HOXC4: variants seen among roughly 807,000 people sequenced by gnomAD.
HOXC4 encodes homeobox protein Hox-C4.
Under a neutral mutation model 25.5 loss-of-function variants are expected in HOXC4, and 15 were observed. The observed-to-expected ratio is 0.59, with a 90% CI of 0.39 to 0.91. HOXC4 has a LOEUF of 0.91. Ranked by LOEUF, HOXC4 falls within the 40% of genes least tolerant of loss-of-function variation. The pLI, the probability that HOXC4 is intolerant of heterozygous loss-of-function variation, is 0.00. For missense variants in HOXC4, 342 were observed against 352.4 expected (o/e 0.97, Z 0.24); for synonymous variants, 165 against 148.0 (o/e 1.11, Z -0.83).
chr12:54,033,286 C>T (rs1165083135), intron 1 of HOXC4: 2 of 1,614,210 alleles, frequency 1.2e-6, no homozygotes, highest in African/African-American at 1.3e-5. Flanking sequence ...CCTGCGCCTT[C>T]CAACTCTCTC....
intron 1 of HOXC4, chr12:54,033,838 T>A: frequency 1.9e-6 from 1 of 523,466 alleles, no homozygotes; most frequent in Non-Finnish European, 3.5e-6. Context: ...TAGAGGGATC[T>A]GAAGGGTGAG....
intron 1 of HOXC4, chr12:54,030,099 G>A (rs1390296133): frequency 2.5e-5 from 22 of 888,890 alleles, no homozygotes; most frequent in East Asian, 1.6e-4. Flanking sequence ...GGAGTCAAAC[G>A]TGGACCTGAA....
chr12:54,029,638 T>G, intron 1 of HOXC4: 1 of 1,606,896 alleles, frequency 6.2e-7, no homozygotes, highest in Non-Finnish European at 8.5e-7. Flanking sequence ...TAGTGTGTTT[T>G]GTGCCCGGAT....
At chr12:54,028,646 C>T (rs1056300066) in intron 1 of HOXC4, 6 of 1,613,972 alleles carry the variant, frequency 3.7e-6, no homozygotes, top group Non-Finnish European at 5.1e-6. Context: ...ACCTATGGAG[C>T]GGCCGTTGCC....
chr12:54,044,801 A>T (rs1260024765), intron 1 of HOXC4, among the ~76,000 whole-genome samples: 1 of 151,980 alleles, frequency 6.6e-6, no homozygotes, highest in Non-Finnish European at 1.5e-5. Context: ...TTTTACCTAA[A>T]TAACTCCATT....
intron 1 of HOXC4, chr12:54,030,115 G>T: frequency 1.4e-6 from 1 of 712,386 alleles, no homozygotes; most frequent in East Asian, 2.8e-5. Context: ...CTGAAAGTCA[G>T]CTCTGGACCC....
At chr12:54,054,617 G>A (rs1021845563) in intron 1 of HOXC4, among the ~76,000 whole-genome samples, 2 of 152,104 alleles carry the variant, frequency 1.3e-5, no homozygotes, top group African/African-American at 4.8e-5. Context: ...TGAAAACTAT[G>A]CTCGCTTTCT....
intron 1 of HOXC4, among the ~76,000 whole-genome samples, chr12:54,054,620 C>T (rs1360472136): frequency 6.6e-6 from 1 of 152,116 alleles, no homozygotes; most frequent in Non-Finnish European, 1.5e-5. Flanking sequence ...AAACTATGCT[C>T]GCTTTCTAAG....
rs1331830017 is a variant in HOXC4 at position 54,029,769 on chromosome 12, T to C, written c.-124+12355T>C. ...CGCTACCTAACGCGGCGCCGGCGCATCGAGATCGCCAACGCGCTTTGCCTG... is the reference window on the plus strand; with the variant it reads ...CGCTACCTAACGCGGCGCCGGCGCACCGAGATCGCCAACGCGCTTTGCCTG... On this transcript the variant is annotated intron_variant, in intron 1 of 3. Coordinates refer to the HOXC4 transcript ENST00000303406. 3 of 1,614,022 alleles carry C rather than the reference T, an allele frequency of 1.9e-6. No homozygotes were observed. In the South Asian group the frequency reaches 3.3e-5, roughly 18 times the overall value.
chr12:54,055,165 C>T lies in HOXC4; in HGVS notation c.755C>T (p.Pro252Leu). The change falls in exon 2 of 2, where the codon CCG becomes CTG. Residue 252 changes from proline (P) to leucine (L), a missense_variant. Coordinates refer to ENST00000430889, the MANE Select transcript of HOXC4 (RefSeq NM_153633.3). ...GAAGACCACTCCCAGAGCGCCACGCCGCCGGAGCAGCAACGGGCAGAGGAC... is the reference window on the plus strand; with the variant it reads ...GAAGACCACTCCCAGAGCGCCACGCTGCCGGAGCAGCAACGGGCAGAGGAC... Reference protein sequence around the residue: ...TSEDHSQSATPPEQQRAEDIT... With the variant: ...TSEDHSQSATLPEQQRAEDIT... 6.2e-7 allele frequency: 1 copy of T among 1,611,420 alleles called. No homozygotes were observed. The highest frequency in any genetic ancestry group is 8.5e-7 in the Non-Finnish European group (1 of 1,178,722).
At chr12:54,028,322 G>A (rs538405644) in intron 1 of HOXC4, 1 of 541,786 alleles carries the variant, frequency 1.8e-6, no homozygotes, top group Admixed American at 3.3e-5. Flanking sequence ...GTCTCAACTA[G>A]GGAATCAACA....
intron 1 of HOXC4, among the ~76,000 whole-genome samples, chr12:54,043,855 G>A (rs955652002): frequency 2.6e-4 from 39 of 151,822 alleles, no homozygotes; most frequent in African/African-American, 8.5e-4. Flanking sequence ...TCAGACATTA[G>A]AGATAAATCT....
intron 1 of HOXC4, chr12:54,029,959 G>C: frequency 6.4e-7 from 1 of 1,569,044 alleles, no homozygotes; most frequent in Non-Finnish European, 8.6e-7. Context: ...AGCAGAAAGA[G>C]TGACCAGGAC....
At chr12:54,029,520 A>C in intron 1 of HOXC4, 1 of 847,808 alleles carries the variant, frequency 1.2e-6, no homozygotes, top group Non-Finnish European at 1.8e-6. Context: ...GCAAGGCAAA[A>C]GGGAGAAGGC....
At chr12:54,033,155 G>A in intron 1 of HOXC4, 1 of 1,613,674 alleles carries the variant, frequency 6.2e-7, no homozygotes, top group Non-Finnish European at 8.5e-7. Flanking sequence ...CATTCTATAA[G>A]CAGAGCCCCA....
At chr12:54,018,377 G>A (rs1199863489) in intron 1 of HOXC4, among the ~76,000 whole-genome samples, 9 of 152,218 alleles carry the variant, frequency 5.9e-5, no homozygotes, top group African/African-American at 1.4e-4. Flanking sequence ...AAGGCCCTAG[G>A]CTGGGCGGGG....
upstream of HOXC4, among the ~76,000 whole-genome samples, chr12:54,052,573 G>T (rs1402006796): frequency 2.0e-5 from 3 of 150,252 alleles, no homozygotes; most frequent in East Asian, 1.9e-4. Context: ...CCTAGCTGGG[G>T]GGGGGGGGTG....
At chr12:54,028,571 G>A (rs200139629) in intron 1 of HOXC4, 33 of 1,614,058 alleles carry the variant, frequency 2.0e-5, no homozygotes, top group Non-Finnish European at 2.7e-5. Flanking sequence ...CTCGCCGGGG[G>A]CCAGGACGTC....
In HOXC4 at chr12:54,054,023, CGGAATATTACGGCCGGACCAG is replaced by C. The variant is rs759027911; in HGVS notation, c.107_127del (p.Tyr36_Glu42del). ...AATAGCTACATCCCTGAACACAGTCCGGAATATTACGGCCGGACCAGGGAATCGGGATTCCAGCATCACCAC... is the reference window on the plus strand; with the variant it reads ...AATAGCTACATCCCTGAACACAGTCCGGAATCGGGATTCCAGCATCACCAC... On this transcript the variant is annotated inframe_deletion, in exon 1 of 2. Coordinates refer to ENST00000430889, the MANE Select transcript of HOXC4 (RefSeq NM_153633.3). 332 of 1,614,072 alleles carry C rather than the reference CGGAATATTACGGCCGGACCAG, an allele frequency of 2.1e-4. No homozygotes were observed. Among genetic ancestry groups the C allele is most frequent in the Non-Finnish European group, 2.6e-4 (310 of 1,180,028 alleles).
Sources: gnomAD v4.1 joint callset for allele counts (sites outside exome capture counted in the v4.1 genomes callset) on GRCh38, gnomAD v4.1.1 for gene constraint, MANE v1.5 for transcripts, NCBI Gene and HGNC (gene_info 2026-07-23, HGNC 2026-07-21) for gene names.